The following ARB2A variants were observed in gnomAD, a reference collection of about 807,000 sequenced individuals.
ARB2A encodes the protein ARB2 cotranscriptional regulator A, also known as cotranscriptional regulator ARB2A.
chr5:93,701,364 T>C, the ARB2A span, among the ~76,000 whole-genome samples: 2 of 152,148 alleles, frequency 1.3e-5, no homozygotes, highest in Non-Finnish European at 2.9e-5. Flanking sequence ...AAAATGTGAT[T>C]CTTATATGCA....
chr5:93,983,250 A>C, the ARB2A span, among the ~76,000 whole-genome samples: 1 of 147,934 alleles, frequency 6.8e-6, no homozygotes, highest in Non-Finnish European at 1.5e-5. Flanking sequence ...ATTCCCCACT[A>C]AGAGGAGTCA....
At chr5:93,968,184 AAAAC>A in the ARB2A span, among the ~76,000 whole-genome samples, 60 of 152,176 alleles carry the variant, frequency 3.9e-4, 2 homozygotes, top group Admixed American at 3.9e-3. Context: ...CTAAAAGGCA[AAAAC>A]AAACAAACAA....
At chr5:93,856,087 T>C in the ARB2A span, among the ~76,000 whole-genome samples, 99 of 151,970 alleles carry the variant, frequency 6.5e-4, no homozygotes, top group Non-Finnish European at 9.8e-4. Flanking sequence ...GCTGAATGTA[T>C]AACTAGAATA....
At chr5:93,960,487 G>GT in the ARB2A span, among the ~76,000 whole-genome samples, 1 of 152,078 alleles carries the variant, frequency 6.6e-6, no homozygotes, top group African/African-American at 2.4e-5. Context: ...CCACTAGAAC[G>GT]TAAGTCCAGG....
At chr5:93,735,475 C>T in the ARB2A span, 1 of 152,316 alleles carries the variant, frequency 6.6e-6, no homozygotes, top group Non-Finnish European at 1.5e-5. Context: ...GTAGAGGCTG[C>T]AGAAGAACTG....
the ARB2A span, among the ~76,000 whole-genome samples, chr5:94,004,992 T>TAAGCAGTAAA: frequency 0.064 from 4,395 of 69,208 alleles, 342 homozygotes; most frequent in Middle Eastern, 0.2. Context: ...GGAGCCATTT[T>TAAGCAGTAAA]ATCAGCAAAA....
chr5:93,890,915 T>C, the ARB2A span, among the ~76,000 whole-genome samples: 2 of 152,230 alleles, frequency 1.3e-5, no homozygotes, highest in South Asian at 4.1e-4. Context: ...TTAATGTGAG[T>C]GATCCATTTG....
At chr5:93,895,255 C>T in the ARB2A span, among the ~76,000 whole-genome samples, 3 of 152,124 alleles carry the variant, frequency 2.0e-5, no homozygotes, top group African/African-American at 4.8e-5. Context: ...GGCCATCAGG[C>T]GTTCATTTTT....
At chr5:93,884,901 G>GATAT in the ARB2A span, among the ~76,000 whole-genome samples, 1 of 151,468 alleles carries the variant, frequency 6.6e-6, no homozygotes, top group South Asian at 2.1e-4. Context: ...TCTAACCACA[G>GATAT]ATATATAGTA....
the ARB2A span, among the ~76,000 whole-genome samples, chr5:93,729,170 C>T: frequency 2.0e-5 from 3 of 152,006 alleles, no homozygotes; most frequent in Non-Finnish European, 4.4e-5. Flanking sequence ...TACGTTGTTC[C>T]CCGTTCTTAA....
At chr5:93,731,862 C>A in the ARB2A span, among the ~76,000 whole-genome samples, 1 of 152,186 alleles carries the variant, frequency 6.6e-6, no homozygotes, top group Non-Finnish European at 1.5e-5. Context: ...GCAGTGAAAT[C>A]TCAGGAAGGC....
the ARB2A span, among the ~76,000 whole-genome samples, chr5:93,657,826 T>C: frequency 6.6e-6 from 1 of 152,178 alleles, no homozygotes; most frequent in Non-Finnish European, 1.5e-5. Context: ...GACATTGCAT[T>C]ACAAACTTTG....
At chr5:94,012,527 C>G in the ARB2A span, among the ~76,000 whole-genome samples, 7 of 152,176 alleles carry the variant, frequency 4.6e-5, no homozygotes, top group African/African-American at 1.7e-4. Flanking sequence ...GGCTAAGTTG[C>G]TGGAGGATGA....
chr5:93,936,382 C>A, the ARB2A span, among the ~76,000 whole-genome samples: 1 of 152,036 alleles, frequency 6.6e-6, no homozygotes, highest in Admixed American at 6.6e-5. Context: ...TTATGAAATT[C>A]ATTTTGTTCT....
the ARB2A span, among the ~76,000 whole-genome samples, chr5:94,035,340 A>G: frequency 6.6e-6 from 1 of 152,142 alleles, no homozygotes; most frequent in South Asian, 2.1e-4. Flanking sequence ...TTTTTTAAAC[A>G]TAATGAGTTT....
At chr5:93,693,665 C>T in the ARB2A span, among the ~76,000 whole-genome samples, 31 of 152,216 alleles carry the variant, frequency 2.0e-4, no homozygotes, top group African/African-American at 6.7e-4. Context: ...TGAAACTATT[C>T]GAAACAGTAG....
chr5:94,070,167 C>T, the ARB2A span, among the ~76,000 whole-genome samples: 1 of 152,008 alleles, frequency 6.6e-6, no homozygotes, highest in African/African-American at 2.4e-5. Context: ...AGAATAAAAT[C>T]ATGTCATTTG....
chr5:93,735,792 C>G, the ARB2A span: 1 of 152,014 alleles, frequency 6.6e-6, no homozygotes, highest in Non-Finnish European at 1.5e-5. Context: ...GAAGAAAAAG[C>G]ATACATTTGT....
At chr5:93,663,620 C>T in the ARB2A span, among the ~76,000 whole-genome samples, 2 of 151,934 alleles carry the variant, frequency 1.3e-5, no homozygotes, top group African/African-American at 2.4e-5. Context: ...AGGGCATGTA[C>T]GACGATGGAA....
Sources: allele counts gnomAD v4.1 joint callset (sites outside exome capture counted in the v4.1 genomes callset), GRCh38; gene constraint gnomAD v4.1.1; transcripts MANE v1.5; gene names NCBI Gene and HGNC (gene_info 2026-07-23, HGNC 2026-07-21).